Variants in OR52N4 observed in about 807,000 individuals in gnomAD.
OR52N4 encodes olfactory receptor 52N4.
In OR52N4, 15 loss-of-function variants were observed where a neutral mutation model predicts 15.0. That is an observed-to-expected ratio of 1.00 (90% CI 0.67 to 1.54). The LOEUF is 1.54. OR52N4 is among the 40% of genes most tolerant of loss of function. The pLI is 0.00. For synonymous variants in OR52N4, 143 were observed against 143.7 expected, an observed-to-expected ratio of 1.00 and a Z score of 0.03; for missense variants, 421 against 394.0, an observed-to-expected ratio of 1.07 and a Z score of -0.58.
At chr11:5,747,167 A>G in the OR52N4 span, among the ~76,000 whole-genome samples, 1 of 150,832 alleles carries the variant, frequency 6.6e-6, no homozygotes, top group African/African-American at 2.4e-5. Context: ...GTTAGTGGTG[A>G]GAGAGAGGAT....
the OR52N4 span, among the ~76,000 whole-genome samples, chr11:5,743,114 TTA>T: frequency 6.6e-6 from 1 of 151,788 alleles, no homozygotes; most frequent in African/African-American, 2.4e-5. Context: ...AAGCCAGACT[TTA>T]TATAAACAAC....
In OR52N4 at chr11:5,755,554, C is replaced by G; in HGVS notation, c.814C>G (p.Pro272Ala). The G allele has an allele frequency of 6.2e-7, 1 of 1,613,870 alleles. No individual in the cohort carries two copies. ...FSHRFGEHII[P>A]PSCHIIVANI... Reference sequence around the variant, plus strand: ...CCACCGCTTTGGGGAACACATAATCCCCCCTTCTTGCCACATCATTGTAGC... The same window carrying G: ...CCACCGCTTTGGGGAACACATAATCGCCCCTTCTTGCCACATCATTGTAGC... The change falls in exon 2 of 2, where the codon CCC becomes GCC. Residue 272 changes from proline to alanine, a missense_variant. Coordinates refer to ENST00000641350, the MANE Select transcript of OR52N4 (RefSeq NM_001005175.5).
Position 5,755,021 on chromosome 11 carries a change from T to C in OR52N4, c.281T>C (p.Ile94Thr), listed in dbSNP as rs201497778. The change falls in exon 2 of 2, where the codon ATT (isoleucine) becomes ACT (threonine). Residue 94 changes from isoleucine (I) to threonine (T), a missense_variant. Transcript: ENST00000641350. ...LCIFWFHLKD[I>T]GFDECLVQMF... ...ATCTTCTGGTTTCATCTCAAGGACA[T>C]TGGATTTGATGAATGCCTTGTCCAG... The C allele has an allele frequency of 6.8e-5, 109 of 1,613,876 alleles. No individual in the cohort carries two copies. Among genetic ancestry groups the C allele is most frequent in the Middle Eastern group, 1.6e-4 (1 of 6,084 alleles).
At chr11:5,742,123 G>C in the OR52N4 span, among the ~76,000 whole-genome samples, 3 of 150,490 alleles carry the variant, frequency 2.0e-5, no homozygotes, top group African/African-American at 7.3e-5. Flanking sequence ...GAAAGAGAGA[G>C]AAAGAAAGAA....
At chr11:5,744,337 A>C in the OR52N4 span, among the ~76,000 whole-genome samples, 1 of 152,210 alleles carries the variant, frequency 6.6e-6, no homozygotes, top group East Asian at 1.9e-4. Context: ...AGAGGAGGGA[A>C]TCCTCCCTAA....
chr11:5,744,611 T>A, the OR52N4 span, among the ~76,000 whole-genome samples: 4,662 of 152,278 alleles, frequency 0.031, 68 homozygotes, highest in Middle Eastern at 0.092. Context: ...CATATGGGCA[T>A]AACACAATTA....
At chr11:5,737,076 T>C in the OR52N4 span, 1 of 1,614,124 alleles carries the variant, frequency 6.2e-7, no homozygotes, top group South Asian at 1.1e-5. Flanking sequence ...GAACACTGCC[T>C]GTGCTCTAAC....
chr11:5,738,810 G>C, the OR52N4 span, among the ~76,000 whole-genome samples: 5,583 of 151,686 alleles, frequency 0.037, 356 homozygotes, highest in African/African-American at 0.13. Flanking sequence ...GCAAAATAAG[G>C]CTTAATCTAT....
chr11:5,749,443 A>G (rs1262542840), upstream of OR52N4, among the ~76,000 whole-genome samples: 3 of 151,982 alleles, frequency 2.0e-5, no homozygotes, highest in African/African-American at 7.2e-5. Context: ...GTGAATTATA[A>G]TGATTATGAT....
upstream of OR52N4, among the ~76,000 whole-genome samples, chr11:5,751,471 G>A (rs1016031063): frequency 1.3e-4 from 19 of 151,344 alleles, no homozygotes; most frequent in African/African-American, 4.6e-4. Context: ...CCTTCTAGTG[G>A]TTTCTTTTAT....
chr11:5,734,816 A>C, the OR52N4 span, among the ~76,000 whole-genome samples: 1 of 152,072 alleles, frequency 6.6e-6, no homozygotes, highest in Admixed American at 6.6e-5. Context: ...AAAAGCTCAA[A>C]GTCAAACTAG....
the OR52N4 span, among the ~76,000 whole-genome samples, chr11:5,744,524 T>C: frequency 2.6e-5 from 4 of 152,224 alleles, no homozygotes; most frequent in African/African-American, 7.2e-5. Context: ...GTGGGTCATA[T>C]TCCAGTGGTG....
the OR52N4 span, among the ~76,000 whole-genome samples, chr11:5,749,094 T>C: frequency 6.6e-6 from 1 of 151,550 alleles, no homozygotes; most frequent in Non-Finnish European, 1.5e-5. Flanking sequence ...TAAAGGAATT[T>C]ATAGGCTGAT....
chr11:5,736,189 C>A, the OR52N4 span: 1 of 258,694 alleles, frequency 3.9e-6, no homozygotes, highest in Non-Finnish European at 7.5e-6. Flanking sequence ...TTTCTGGAAA[C>A]CTTTACAAGT....
chr11:5,746,745 A>C, the OR52N4 span, among the ~76,000 whole-genome samples: 1 of 152,176 alleles, frequency 6.6e-6, no homozygotes, highest in Non-Finnish European at 1.5e-5. Context: ...GAGATTTTTC[A>C]AATAAATAAA....
chr11:5,749,300 A>G (rs1030136842), upstream of OR52N4, among the ~76,000 whole-genome samples: 2 of 152,022 alleles, frequency 1.3e-5, no homozygotes, highest in African/African-American at 2.4e-5. Flanking sequence ...AGCTTTGGGT[A>G]TATCTCAGTT....
the OR52N4 span, among the ~76,000 whole-genome samples, chr11:5,738,999 T>G: frequency 7.9e-6 from 1 of 126,956 alleles, no homozygotes; most frequent in Non-Finnish European, 1.7e-5. Context: ...CCAGTTAGAT[T>G]TCAAAAGTAA....
the OR52N4 span, among the ~76,000 whole-genome samples, chr11:5,748,814 C>T: frequency 4.6e-5 from 7 of 151,944 alleles, no homozygotes; most frequent in Admixed American, 2.6e-4. Flanking sequence ...GTATTAAATC[C>T]TAGTCTTTAC....
At position 5,755,355 on chromosome 11, in the gene OR52N4, C is replaced by T. The variant is rs1854287295; in HGVS notation, c.615C>T (p.Ala205=). The change falls in exon 2 of 2, where the codon GCC becomes GCT. Residue 205 remains alanine (A), a synonymous_variant. Transcript: ENST00000641350. The part of the protein sequence containing the change: ...KVNAIYGLMV[A]LLIWGFDILC... ...ATGCCATCTATGGTCTGATGGTTGC[C>T]CTCCTGATTTGGGGCTTTGACATAC... 6.2e-7 allele frequency: 1 copy of T among 1,613,894 alleles called. No individual in the cohort carries two copies. Among genetic ancestry groups the T allele is most frequent in the Non-Finnish European group, 8.5e-7 (1 of 1,179,986 alleles).
Sources: allele counts gnomAD v4.1 joint callset (sites outside exome capture counted in the v4.1 genomes callset), GRCh38; gene constraint gnomAD v4.1.1; transcripts MANE v1.5; gene names NCBI Gene and HGNC (gene_info 2026-07-23, HGNC 2026-07-21).